ADGRL3: variants seen among roughly 807,000 people sequenced by gnomAD.
ADGRL3 encodes calcium-independent alpha-latrotoxin receptor 3.
A neutral mutation model predicts 153.5 loss-of-function variants in ADGRL3; 62 were observed. That is an observed-to-expected ratio of 0.40 (90% CI 0.33 to 0.50). The LOEUF (loss-of-function observed/expected upper bound fraction) is 0.50, where lower values mean the gene tolerates loss of function less well. Among genes scored for constraint, ADGRL3 ranks in the 20% least tolerant of loss-of-function variants. The pLI, the probability that ADGRL3 is intolerant of heterozygous loss-of-function variation, is 0.47. For synonymous variants in ADGRL3, 710 were observed against 672.5 expected (o/e 1.06, Z -0.86); for missense variants, 1,641 against 1,859.4 (o/e 0.88, Z 2.16).
intron 8 of ADGRL3, among the ~76,000 whole-genome samples, chr4:61,776,996 G>A (rs779971208): frequency 2.0e-5 from 3 of 152,168 alleles, no homozygotes; most frequent in Admixed American, 1.3e-4. Context: ...CAGGTTAAAT[G>A]ATTTGGAATT....
chr4:61,795,567 C>G (rs1034676060), intron 8 of ADGRL3, among the ~76,000 whole-genome samples: 1 of 152,002 alleles, frequency 6.6e-6, no homozygotes, highest in African/African-American at 2.4e-5. Flanking sequence ...ATATATTGTA[C>G]AAGTTGTGAA....
At chr4:61,472,023 G>A (rs1451909926) in intron 2 of ADGRL3, among the ~76,000 whole-genome samples, 2 of 151,898 alleles carry the variant, frequency 1.3e-5, no homozygotes, top group East Asian at 1.9e-4. Context: ...TTAACACAAA[G>A]TGGAATATTT....
At chr4:61,816,982 G>T (rs535211882) in intron 9 of ADGRL3, among the ~76,000 whole-genome samples, 2 of 152,286 alleles carry the variant, frequency 1.3e-5, no homozygotes, top group East Asian at 3.9e-4. Context: ...TTGAAGCCAA[G>T]CGTGGGCATT....
chr4:61,417,952 C>A (rs10428425), intron 2 of ADGRL3, among the ~76,000 whole-genome samples: 4,893 of 152,142 alleles, frequency 0.032, 249 homozygotes, highest in East Asian at 0.21. Flanking sequence ...GCAAGGGTTT[C>A]AGTTGGGGAT....
At chr4:61,532,629 A>T (rs998773059) in intron 4 of ADGRL3, among the ~76,000 whole-genome samples, 1 of 149,758 alleles carries the variant, frequency 6.7e-6, no homozygotes, top group East Asian at 2.0e-4. Flanking sequence ...CTGTTTGGTC[A>T]GATCCCAATT....
At chr4:61,886,360 G>C (rs575010155) in intron 9 of ADGRL3, among the ~76,000 whole-genome samples, 1 of 152,170 alleles carries the variant, frequency 6.6e-6, no homozygotes, top group Non-Finnish European at 1.5e-5. Flanking sequence ...TCCTTTATTA[G>C]GCCCTTGGGA....
At chr4:61,903,848 C>T (rs939157829) in intron 11 of ADGRL3, among the ~76,000 whole-genome samples, 1 of 151,950 alleles carries the variant, frequency 6.6e-6, no homozygotes. Flanking sequence ...CCATGTCTCA[C>T]TATAACCTCA....
chr4:61,433,813 TA>T (rs1303302838), intron 2 of ADGRL3, among the ~76,000 whole-genome samples: 1 of 152,192 alleles, frequency 6.6e-6, no homozygotes, highest in African/African-American at 2.4e-5. Flanking sequence ...ATTTCACAAA[TA>T]TTTTTTTAAA....
intron 1 of ADGRL3, among the ~76,000 whole-genome samples, chr4:61,273,181 C>G (rs1365050332): frequency 6.6e-6 from 1 of 152,166 alleles, no homozygotes; most frequent in East Asian, 1.9e-4. Context: ...ATGATGTACT[C>G]AGGACCAGAT....
chr4:61,225,376 A>G (rs1251044004), intron 1 of ADGRL3, among the ~76,000 whole-genome samples: 1 of 152,174 alleles, frequency 6.6e-6, no homozygotes, highest in African/African-American at 2.4e-5. Context: ...TACTTTAGAA[A>G]CATTCAGTTT....
intron 5 of ADGRL3, among the ~76,000 whole-genome samples, chr4:61,672,572 G>A (rs2150819174): frequency 6.6e-6 from 1 of 152,124 alleles, no homozygotes; most frequent in South Asian, 2.1e-4. Flanking sequence ...ATATTAAAAA[G>A]TGCTCAACTT....
At chr4:61,698,917 T>G (rs1460450800) in intron 6 of ADGRL3, among the ~76,000 whole-genome samples, 6 of 152,242 alleles carry the variant, frequency 3.9e-5, no homozygotes, top group African/African-American at 1.4e-4. Context: ...TTGACTTAAA[T>G]TAGTTTATCT....
chr4:61,920,940 G>T (rs775137687), intron 13 of ADGRL3, among the ~76,000 whole-genome samples: 1 of 152,088 alleles, frequency 6.6e-6, no homozygotes, highest in Non-Finnish European at 1.5e-5. Flanking sequence ...GGGATATTGG[G>T]CAACTAGCAG....
At chr4:62,018,659 A>T (rs2099224306) in intron 21 of ADGRL3, among the ~76,000 whole-genome samples, 1 of 152,170 alleles carries the variant, frequency 6.6e-6, no homozygotes, top group African/African-American at 2.4e-5. Flanking sequence ...GTAGGAGCCC[A>T]GCTGGGATTG....
chr4:61,715,700 G>A (rs1231770658), intron 6 of ADGRL3, among the ~76,000 whole-genome samples: 1 of 152,062 alleles, frequency 6.6e-6, no homozygotes, highest in Non-Finnish European at 1.5e-5. Context: ...TACAGCTATA[G>A]ATGTGATCTG....
intron 4 of ADGRL3, among the ~76,000 whole-genome samples, chr4:61,560,395 G>T (rs1030890976): frequency 6.6e-5 from 10 of 152,042 alleles, no homozygotes. Flanking sequence ...TTGTAAAAAA[G>T]AATGGTAATC....
chr4:61,487,458 T>C (rs2098209024), intron 2 of ADGRL3, among the ~76,000 whole-genome samples: 1 of 152,088 alleles, frequency 6.6e-6, no homozygotes, highest in Non-Finnish European at 1.5e-5. Flanking sequence ...ATGTTAGTAG[T>C]TATTATTAGG....
chr4:61,843,928 G>A (rs1183661120), intron 9 of ADGRL3, among the ~76,000 whole-genome samples: 1 of 151,286 alleles, frequency 6.6e-6, no homozygotes, highest in African/African-American at 2.4e-5. Flanking sequence ...TGAGGTGGGA[G>A]TATCACTTGA....
chr4:61,865,369 T>C (rs1179262772), intron 9 of ADGRL3, among the ~76,000 whole-genome samples: 1 of 151,776 alleles, frequency 6.6e-6, no homozygotes, highest in Non-Finnish European at 1.5e-5. Flanking sequence ...AGGATTTTTT[T>C]AAAATAGCAT....
Sources: allele counts gnomAD v4.1 joint callset (sites outside exome capture counted in the v4.1 genomes callset), GRCh38; gene constraint gnomAD v4.1.1; transcripts MANE v1.5; gene names NCBI Gene and HGNC (gene_info 2026-07-23, HGNC 2026-07-21).